Variants in MTDH observed in about 807,000 individuals in gnomAD.
MTDH encodes protein LYRIC.
Under a neutral mutation model 72.7 loss-of-function variants are expected in MTDH, and 34 were observed. The ratio of observed to expected loss-of-function variants is 0.47; its 90% confidence interval spans 0.36 to 0.62. The LOEUF is 0.62. Among genes scored for constraint, MTDH ranks in the 20% least tolerant of loss-of-function variants. The pLI is 0.00. For synonymous variants in MTDH, 266 were observed against 268.9 expected (o/e 0.99, Z 0.10); for missense variants, 677 against 699.4 (o/e 0.97, Z 0.36).
In MTDH at chr8:97,659,004, G is replaced by A. The variant is rs553106922; in HGVS notation, c.382-2068G>A. Among the ~76,000 whole-genome samples, 19 of 152,100 alleles carry A rather than the reference G, an allele frequency of 1.2e-4. No individual in the cohort carries two copies. In the East Asian group the frequency reaches 2.1e-3, roughly 17 times the overall value. ...TAAAAATACAAAAAATTAGCTGGGCGTGGTGGCAGGCATCTGTAGTCCCAG... is the reference window on the plus strand; with the variant it reads ...TAAAAATACAAAAAATTAGCTGGGCATGGTGGCAGGCATCTGTAGTCCCAG... On this transcript the variant is annotated intron_variant, in intron 1 of 11. Coordinates refer to ENST00000336273, the MANE Select transcript of MTDH (RefSeq NM_178812.4).
intron 1 of MTDH, 114 bp downstream of exon 1, chr8:97,645,001 C>T: frequency 8.2e-7 from 1 of 1,213,314 alleles, no homozygotes; most frequent in African/African-American, 1.6e-5. Context: ...AGTCGAAAGC[C>T]GAGAGGCAGC....
intron 6 of MTDH, among the ~76,000 whole-genome samples, chr8:97,692,358 T>C (rs1424429823): frequency 1.3e-5 from 2 of 152,044 alleles, no homozygotes; most frequent in African/African-American, 4.8e-5. Context: ...TATTCCCATA[T>C]TATTCAAGAA....
In MTDH at chr8:97,706,882, C is replaced by T. The variant is rs893027780; in HGVS notation, c.1272+132C>T. ...TTGCTTGAGCCCAGGAGTTCAAGGC[C>T]AGCCTGGGCAACATAGCGAGACCCC... On this transcript the variant is annotated intron_variant, in intron 8 of 11. Coordinates refer to ENST00000336273, the MANE Select transcript of MTDH (RefSeq NM_178812.4). 1.0e-5 allele frequency: 10 copies of T among 975,590 alleles called. No individual in the cohort carries two copies. The Admixed American group carries it at 1.5e-4, about 14-fold the overall frequency. The allele number at this position is 975,590 out of a possible 1,614,324, so 60.4% of individuals were successfully genotyped here. A position where few individuals can be genotyped will look rare whatever the true frequency, so the allele number is the denominator to read the frequency against.
chr8:97,700,605 A>G (rs757593778), intron 7 of MTDH, among the ~76,000 whole-genome samples: 1 of 152,214 alleles, frequency 6.6e-6, no homozygotes, highest in Non-Finnish European at 1.5e-5. Context: ...AATAATGACA[A>G]TAAAAACACT....
rs764743242 is a variant in MTDH, at chr8:97,644,704, G to T, written c.198G>T (p.Leu66=). ...TGALGLLLLF[L]LGYGWAAACA... is the part of the protein sequence containing the mutation. ...CGCTCGGGCTGCTGCTGCTGTTTCTGCTGGGCTACGGCTGGGCCGCGGCTT... is the reference window on the plus strand; with the variant it reads ...CGCTCGGGCTGCTGCTGCTGTTTCTTCTGGGCTACGGCTGGGCCGCGGCTT... The change falls in exon 1 of 12, where the codon CTG becomes CTT. Residue 66 remains leucine (L), a synonymous_variant. Coordinates refer to ENST00000336273, the MANE Select transcript of MTDH (RefSeq NM_178812.4). 4 of 1,601,666 alleles carry T rather than the reference G, an allele frequency of 2.5e-6. No homozygotes were observed. The highest frequency in any genetic ancestry group is 2.6e-6 in the Non-Finnish European group (3 of 1,176,238).
intron 8 of MTDH, among the ~76,000 whole-genome samples, chr8:97,710,565 G>A (rs762510867): frequency 4.0e-5 from 6 of 149,890 alleles, no homozygotes; most frequent in Non-Finnish European, 8.8e-5. Flanking sequence ...GGATGTGGCA[G>A]TGTGCGCCTG....
chr8:97,719,277 G>A, intron 10 of MTDH, 88 bp downstream of exon 10: 1 of 1,367,436 alleles, frequency 7.3e-7, no homozygotes. Context: ...GGCAGGTCAT[G>A]AGGTCAGGAG....
intron 8 of MTDH, among the ~76,000 whole-genome samples, chr8:97,712,097 G>A (rs186578871): frequency 1.1e-3 from 161 of 152,318 alleles, no homozygotes; most frequent in African/African-American, 3.5e-3. Flanking sequence ...GAGTGCAGTG[G>A]CATGATCTCG....
At chr8:97,700,672 C>T (rs570390745) in intron 7 of MTDH, among the ~76,000 whole-genome samples, 19 of 152,308 alleles carry the variant, frequency 1.2e-4, no homozygotes, top group Non-Finnish European at 2.6e-4. Flanking sequence ...TCATTTAATG[C>T]TTAAAACATT....
At chr8:97,666,183 G>T (rs1472615105) in intron 2 of MTDH, among the ~76,000 whole-genome samples, 2 of 151,810 alleles carry the variant, frequency 1.3e-5, no homozygotes, top group African/African-American at 2.4e-5. Context: ...GATTGCTAGT[G>T]AGAGAAACAA....
intron 2 of MTDH, among the ~76,000 whole-genome samples, chr8:97,678,904 T>C (rs1812960609): frequency 6.6e-6 from 1 of 152,308 alleles, no homozygotes; most frequent in South Asian, 2.1e-4. Flanking sequence ...TAGCCAATTT[T>C]TGAAAGAAAC....
intron 1 of MTDH, among the ~76,000 whole-genome samples, chr8:97,656,301 C>CT (rs34020581): frequency 0.018 from 2,067 of 117,902 alleles, 58 homozygotes; most frequent in East Asian, 0.047. Flanking sequence ...ATTAAGCATA[C>CT]TTTTTTTTTT....
intron 6 of MTDH, chr8:97,696,067 A>T (rs1043803543): frequency 5.7e-5 from 11 of 192,830 alleles, no homozygotes; most frequent in Non-Finnish European, 1.0e-4. Flanking sequence ...AATATTCAGT[A>T]AATAGTAGCT....
At chr8:97,658,813 G>A (rs902192440) in intron 1 of MTDH, among the ~76,000 whole-genome samples, 2 of 152,120 alleles carry the variant, frequency 1.3e-5, no homozygotes, top group Non-Finnish European at 2.9e-5. Flanking sequence ...GGCCAGAGAA[G>A]ATAGCATGAA....
chr8:97,685,348 T>A (rs543529154), intron 2 of MTDH, among the ~76,000 whole-genome samples: 3 of 152,162 alleles, frequency 2.0e-5, no homozygotes, highest in South Asian at 2.1e-4. Flanking sequence ...GTAAAAAAAA[T>A]TTATTTTTTT....
intron 2 of MTDH, among the ~76,000 whole-genome samples, chr8:97,683,476 G>A (rs941051406): frequency 6.6e-6 from 1 of 151,564 alleles, no homozygotes; most frequent in Non-Finnish European, 1.5e-5. Context: ...GCTCACTTCA[G>A]CCTCAACCTC....
intron 1 of MTDH, among the ~76,000 whole-genome samples, chr8:97,648,275 C>G (rs571777504): frequency 2.4e-4 from 37 of 151,978 alleles, no homozygotes; most frequent in Admixed American, 1.7e-3. Context: ...CCCCCCCACC[C>G]CTGTTCCTGG....
At chr8:97,714,215 C>T (rs1429494550) in intron 9 of MTDH, among the ~76,000 whole-genome samples, 1 of 152,190 alleles carries the variant, frequency 6.6e-6, no homozygotes, top group Non-Finnish European at 1.5e-5. Context: ...ATCTACCCAA[C>T]AGACATTTTC....
intron 10 of MTDH, among the ~76,000 whole-genome samples, chr8:97,721,009 T>A (rs1437509520): frequency 6.6e-6 from 1 of 152,090 alleles, no homozygotes; most frequent in African/African-American, 2.4e-5. Flanking sequence ...TGAAGAAGAT[T>A]TGATCCGTTC....
Sources: gnomAD v4.1 joint callset for allele counts (sites outside exome capture counted in the v4.1 genomes callset) on GRCh38, gnomAD v4.1.1 for gene constraint, MANE v1.5 for transcripts, NCBI Gene and HGNC (gene_info 2026-07-23, HGNC 2026-07-21) for gene names.